The following SLC16A7 variants were observed in gnomAD, a reference collection of about 807,000 sequenced individuals.
The protein encoded by SLC16A7 is solute carrier family 16 member 7.
In SLC16A7, 33 loss-of-function variants were observed where a neutral mutation model predicts 34.9. That is an observed-to-expected ratio of 0.94 (90% CI 0.72 to 1.26). The LOEUF is 1.26. Ranked by LOEUF, SLC16A7 falls within the 50% of genes most tolerant of loss-of-function variation. The pLI is 0.00. For missense variants in SLC16A7, 573 were observed against 578.1 expected, an observed-to-expected ratio of 0.99 and a Z score of 0.09; for synonymous variants, 201 against 206.6, an observed-to-expected ratio of 0.97 and a Z score of 0.23.
At chr12:59,696,934 A>G (rs1169146339) in intron 2 of SLC16A7, among the ~76,000 whole-genome samples, 1 of 152,014 alleles carries the variant, frequency 6.6e-6, no homozygotes, top group Non-Finnish European at 1.5e-5. Flanking sequence ...AGAAAGTAAA[A>G]TTTCATATAA....
intron 1 of SLC16A7, among the ~76,000 whole-genome samples, chr12:59,610,400 A>G (rs943536616): frequency 6.6e-5 from 10 of 152,234 alleles, no homozygotes; most frequent in Admixed American, 4.6e-4. Flanking sequence ...GATTGATGCT[A>G]GTATCAAGAA....
At chr12:59,639,046 T>C (rs1265690578) in intron 1 of SLC16A7, among the ~76,000 whole-genome samples, 1 of 152,132 alleles carries the variant, frequency 6.6e-6, no homozygotes, top group Admixed American at 6.6e-5. Flanking sequence ...CAAAGTTTTT[T>C]CAGCAATTTT....
intron 1 of SLC16A7, among the ~76,000 whole-genome samples, chr12:59,616,727 G>A (rs963372209): frequency 6.6e-6 from 1 of 152,064 alleles, no homozygotes; most frequent in East Asian, 1.9e-4. Flanking sequence ...AAAAGTATAG[G>A]TCATGGAAAT....
intron 3 of SLC16A7, among the ~76,000 whole-genome samples, chr12:59,748,550 C>A (rs1172835123): frequency 6.6e-6 from 1 of 152,090 alleles, no homozygotes; most frequent in African/African-American, 2.4e-5. Context: ...ATACCATAAA[C>A]CTTGAATAAC....
chr12:59,613,513 T>G (rs2136970346), intron 1 of SLC16A7, among the ~76,000 whole-genome samples: 1 of 152,338 alleles, frequency 6.6e-6, no homozygotes, highest in Non-Finnish European at 1.5e-5. Context: ...CAAAGTTTTA[T>G]AGTGTCTAAT....
At chr12:59,679,091 C>A (rs955256691) in intron 2 of SLC16A7, among the ~76,000 whole-genome samples, 1 of 152,094 alleles carries the variant, frequency 6.6e-6, no homozygotes, top group Admixed American at 6.5e-5. Flanking sequence ...GGCAGAGGGG[C>A]CTTCCTAGGC....
At chr12:59,646,769 C>A (rs972478208) in intron 1 of SLC16A7, among the ~76,000 whole-genome samples, 1 of 152,172 alleles carries the variant, frequency 6.6e-6, no homozygotes. Context: ...GGGGGCTGTA[C>A]CATGCAAAGT....
intron 2 of SLC16A7, among the ~76,000 whole-genome samples, chr12:59,669,117 T>A (rs1287989669): frequency 2.0e-5 from 3 of 152,186 alleles, no homozygotes; most frequent in African/African-American, 7.2e-5. Context: ...CCAGTTCTCA[T>A]TTAGATACAC....
intron 1 of SLC16A7, among the ~76,000 whole-genome samples, chr12:59,643,229 G>A (rs1406039788): frequency 6.6e-6 from 1 of 152,070 alleles, no homozygotes; most frequent in Non-Finnish European, 1.5e-5. Context: ...CAATCCAATT[G>A]TCTTGGATCA....
chr12:59,694,877 AATATAG>A (rs1872098596), intron 2 of SLC16A7, among the ~76,000 whole-genome samples: 1 of 152,138 alleles, frequency 6.6e-6, no homozygotes, highest in South Asian at 2.1e-4. Context: ...AACATAGATT[AATATAG>A]ATATAACTGT....
At chr12:59,751,297 G>T (rs2711686) in intron 3 of SLC16A7, among the ~76,000 whole-genome samples, 2,220 of 152,294 alleles carry the variant, frequency 0.015, 46 homozygotes, top group African/African-American at 0.049. Flanking sequence ...GAAGCAGGGC[G>T]AGGCATTGCC....
chr12:59,645,143 T>C (rs186328483), intron 1 of SLC16A7, among the ~76,000 whole-genome samples: 1 of 152,300 alleles, frequency 6.6e-6, no homozygotes, highest in East Asian at 1.9e-4. Flanking sequence ...AGGAGCTTGC[T>C]CAACAGAAAG....
chr12:59,668,830 G>T (rs1869430983), intron 2 of SLC16A7, among the ~76,000 whole-genome samples: 1 of 152,152 alleles, frequency 6.6e-6, no homozygotes, highest in Admixed American at 6.5e-5. Flanking sequence ...GGAGGGAACT[G>T]GTGGGAGGTA....
rs187588791 is a variant in SLC16A7 at position 59,656,470 on chromosome 12, A to C, written c.-31+1220A>C. The stretch of plus-strand genomic sequence containing the variant: ...TAGGAATGCAGCCAGAAGCCAAAGA[A>C]TGCCAGTGGTGGCTTTCAGAGTATG... On this transcript the variant is annotated intron_variant, in intron 2 of 5. Coordinates refer to ENST00000547379, the MANE Select transcript of SLC16A7 (RefSeq NM_001270623.2). Among the ~76,000 whole-genome samples, 271 of 152,122 alleles carry C rather than the reference A, an allele frequency of 1.8e-3. 1 individual carries two copies. Among genetic ancestry groups the C allele is most frequent in the African/African-American group, 6.3e-3 (260 of 41,550 alleles).
chr12:59,742,613 A>G (rs1274755916), intron 3 of SLC16A7, among the ~76,000 whole-genome samples: 1 of 152,252 alleles, frequency 6.6e-6, no homozygotes, highest in Non-Finnish European at 1.5e-5. Context: ...TTGAAAATGT[A>G]TAGAGAGGTT....
intron 1 of SLC16A7, among the ~76,000 whole-genome samples, chr12:59,644,671 T>A (rs1880831977): frequency 6.6e-6 from 1 of 152,222 alleles, no homozygotes. Context: ...AACTAATTTC[T>A]GATTGCAAAA....
intron 2 of SLC16A7, among the ~76,000 whole-genome samples, chr12:59,696,189 CTTTTTA>C (rs1258132668): frequency 1.3e-5 from 2 of 150,958 alleles, no homozygotes; most frequent in East Asian, 1.9e-4. Flanking sequence ...TAATCTTATA[CTTTTTA>C]TTTTAATTTT....
chr12:59,744,865 C>T (rs1009250748), intron 3 of SLC16A7, among the ~76,000 whole-genome samples: 13 of 152,078 alleles, frequency 8.5e-5, no homozygotes, highest in Non-Finnish European at 1.2e-4. Flanking sequence ...CTCCCTCTTG[C>T]GAGGGGTGAA....
At chr12:59,643,980 A>G (rs1054203059) in intron 1 of SLC16A7, among the ~76,000 whole-genome samples, 4 of 152,192 alleles carry the variant, frequency 2.6e-5, no homozygotes, top group South Asian at 2.1e-4. Flanking sequence ...GTTACCCTTT[A>G]AAAAAGCATT....
Sources: allele counts gnomAD v4.1 joint callset (sites outside exome capture counted in the v4.1 genomes callset), GRCh38; gene constraint gnomAD v4.1.1; transcripts MANE v1.5; gene names NCBI Gene and HGNC (gene_info 2026-07-23, HGNC 2026-07-21).